The following LYPLAL1 variants were observed in gnomAD, a reference collection of about 807,000 sequenced individuals.
LYPLAL1 encodes the protein lysophospholipase like 1.
LYPLAL1 carries 23 observed loss-of-function variants against 19.7 expected under a neutral mutation model. The observed-to-expected ratio is 1.17, with a 90% confidence interval of 0.84 to 1.65. The LOEUF is 1.65. LYPLAL1 is among the 40% of genes most tolerant of loss of function. LYPLAL1 has a pLI of 0.00. For synonymous variants in LYPLAL1, 119 were observed against 96.3 expected (o/e 1.24, Z -1.38); for missense variants, 355 against 279.4 (o/e 1.27, Z -1.93).
intron 2 of LYPLAL1, among the ~76,000 whole-genome samples, chr1:219,182,408 G>C (rs538479839): frequency 6.6e-6 from 1 of 151,910 alleles, no homozygotes; most frequent in African/African-American, 2.4e-5. Flanking sequence ...CTTCATTTGC[G>C]GTTTTAAGGA....
the LYPLAL1 span, among the ~76,000 whole-genome samples, chr1:219,245,094 CTT>C: frequency 6.8e-6 from 1 of 146,546 alleles, no homozygotes; most frequent in Non-Finnish European, 1.5e-5. Context: ...TCTTCTTTCT[CTT>C]TCTTTCCCTT....
the LYPLAL1 span, among the ~76,000 whole-genome samples, chr1:219,283,391 A>T: frequency 6.6e-6 from 1 of 152,226 alleles, no homozygotes; most frequent in Non-Finnish European, 1.5e-5. Context: ...ATAGCAGTGC[A>T]TGCATATGAT....
At chr1:219,275,860 A>G in the LYPLAL1 span, among the ~76,000 whole-genome samples, 2 of 152,088 alleles carry the variant, frequency 1.3e-5, no homozygotes, top group African/African-American at 4.8e-5. Flanking sequence ...CTAAGACACT[A>G]CTCTAACTAA....
chr1:219,298,862 G>A, the LYPLAL1 span, among the ~76,000 whole-genome samples: 1 of 152,192 alleles, frequency 6.6e-6, no homozygotes, highest in South Asian at 2.1e-4. Context: ...ATCTGGAAGA[G>A]TAATATAAAT....
chr1:219,396,625 T>G, the LYPLAL1 span, among the ~76,000 whole-genome samples: 2 of 152,210 alleles, frequency 1.3e-5, no homozygotes, highest in African/African-American at 4.8e-5. Context: ...TAGTTCTCCT[T>G]GTAGAGATCT....
At chr1:219,287,487 T>TACCTATTAGAATAGCCTACAC in the LYPLAL1 span, among the ~76,000 whole-genome samples, 1 of 152,124 alleles carries the variant, frequency 6.6e-6, no homozygotes, top group Non-Finnish European at 1.5e-5. Context: ...AACAATGAGA[T>TACCTATTAGAATAGCCTACAC]ACCTATTAGA....
the LYPLAL1 span, among the ~76,000 whole-genome samples, chr1:219,300,236 G>A: frequency 6.6e-6 from 1 of 152,034 alleles, no homozygotes; most frequent in Non-Finnish European, 1.5e-5. Context: ...CTCCCACCTC[G>A]GCCTCCCAAA....
chr1:219,312,369 G>A, the LYPLAL1 span, among the ~76,000 whole-genome samples: 7 of 152,248 alleles, frequency 4.6e-5, no homozygotes, highest in East Asian at 1.4e-3. Flanking sequence ...TTTGTCCTAG[G>A]CTCTTTGTGC....
At chr1:219,344,424 A>G in the LYPLAL1 span, among the ~76,000 whole-genome samples, 1 of 151,944 alleles carries the variant, frequency 6.6e-6, no homozygotes, top group African/African-American at 2.4e-5. Context: ...TCCTCCTCCC[A>G]TTCTCTAACT....
chr1:219,251,228 T>C, the LYPLAL1 span, among the ~76,000 whole-genome samples: 1 of 152,074 alleles, frequency 6.6e-6, no homozygotes, highest in Admixed American at 6.6e-5. Context: ...TTCTGTAGGT[T>C]TTCTGTTTAT....
At chr1:219,181,877 C>T (rs547517113) in intron 2 of LYPLAL1, among the ~76,000 whole-genome samples, 33 of 152,120 alleles carry the variant, frequency 2.2e-4, no homozygotes, top group Middle Eastern at 3.4e-3. Context: ...TCTCTAAGCA[C>T]TTAGCATAGA....
chr1:219,230,739 A>C, the LYPLAL1 span, among the ~76,000 whole-genome samples: 1 of 152,252 alleles, frequency 6.6e-6, no homozygotes, highest in African/African-American at 2.4e-5. Flanking sequence ...CTAAATGCTC[A>C]GTGAATATTT....
the LYPLAL1 span, among the ~76,000 whole-genome samples, chr1:219,296,883 A>G: frequency 6.6e-6 from 1 of 152,170 alleles, no homozygotes; most frequent in Non-Finnish European, 1.5e-5. Context: ...AGTGCAACGA[A>G]TCAGAAGAAC....
In LYPLAL1 at chr1:219,208,731, A is replaced by G. The variant is rs138201668; in HGVS notation, c.362-1801A>G. Among the ~76,000 whole-genome samples, 285 of 152,206 alleles carry G rather than the reference A, an allele frequency of 1.9e-3. 2 individuals carry two copies. The highest frequency in any genetic ancestry group is 6.3e-3 in the African/African-American group (263 of 41,548). ...AATTTATATTCAATAAATTAAATCG[A>G]TAAGAATTTTATTTCAAAATGTCTT... On this transcript the variant is annotated intron_variant, in intron 3 of 4. Coordinates refer to ENST00000366928, the MANE Select transcript of LYPLAL1 (RefSeq NM_138794.5).
the LYPLAL1 span, among the ~76,000 whole-genome samples, chr1:219,402,546 A>G: frequency 1.3e-5 from 2 of 151,470 alleles, no homozygotes; most frequent in Admixed American, 1.3e-4. Context: ...TTGGACCAGT[A>G]TATTGACTTC....
chr1:219,368,564 G>C, the LYPLAL1 span, among the ~76,000 whole-genome samples: 1 of 152,158 alleles, frequency 6.6e-6, no homozygotes, highest in Admixed American at 6.5e-5. Context: ...AGCGAAGGAG[G>C]GCTCTGTCAG....
At chr1:219,228,119 A>C in the LYPLAL1 span, among the ~76,000 whole-genome samples, 1 of 152,104 alleles carries the variant, frequency 6.6e-6, no homozygotes, top group African/African-American at 2.4e-5. Flanking sequence ...ACAAAGAGAA[A>C]CCATCTCTTT....
the LYPLAL1 span, among the ~76,000 whole-genome samples, chr1:219,294,124 G>T: frequency 6.6e-6 from 1 of 152,340 alleles, no homozygotes; most frequent in African/African-American, 2.4e-5. Flanking sequence ...CGGAAGAGGA[G>T]AATTGTAATA....
At chr1:219,391,350 C>T in the LYPLAL1 span, among the ~76,000 whole-genome samples, 1 of 152,162 alleles carries the variant, frequency 6.6e-6, no homozygotes, top group South Asian at 2.1e-4. Context: ...GACAGCCAAG[C>T]AAAAGGTTGT....
Sources: allele counts gnomAD v4.1 joint callset (sites outside exome capture counted in the v4.1 genomes callset), GRCh38; gene constraint gnomAD v4.1.1; transcripts MANE v1.5; gene names NCBI Gene and HGNC (gene_info 2026-07-23, HGNC 2026-07-21).